The following ADD2 variants were observed in gnomAD, a reference collection of about 807,000 sequenced individuals.
The protein encoded by ADD2 is adducin 2.
A neutral mutation model predicts 83.0 loss-of-function variants in ADD2; 23 were observed. That is an observed-to-expected ratio of 0.28 (90% CI 0.20 to 0.39). ADD2 has a LOEUF of 0.39. Among genes scored for constraint, ADD2 ranks in the 10% least tolerant of loss-of-function variants. ADD2 has a pLI of 1.00. For missense variants in ADD2, 758 were observed against 944.9 expected, an observed-to-expected ratio of 0.80 and a Z score of 2.59; for synonymous variants, 375 against 375.4, an observed-to-expected ratio of 1.00 and a Z score of 0.01.
Position 70,706,924 on chromosome 2 carries a change from G to A in ADD2, c.-34-482C>T, listed in dbSNP as rs1314297098. ...ACACCTAGGTAATGGGTTGATAGGC[G>A]CAGCAAACCACCATGGCACACATTT... On this transcript the variant is annotated intron_variant, in intron 2 of 15. Transcript: ENST00000264436. This position sits in a 1 kb window ranked among gnomAD's most constrained non-coding sequence, Gnocchi z 5.0. 1.3e-5 allele frequency among the ~76,000 whole-genome samples: 2 copies of A among 152,118 alleles called. No homozygotes were observed. Among genetic ancestry groups the A allele is most frequent in the African/African-American group, 2.4e-5 (1 of 41,418 alleles).
chr2:70,672,228 C>T (rs782160610), intron 15 of ADD2, among the ~76,000 whole-genome samples: 73 of 152,310 alleles, frequency 4.8e-4, no homozygotes, highest in African/African-American at 1.7e-3. Context: ...TTCAGTTGGG[C>T]CTCGAACTCC....
intron 1 of ADD2, among the ~76,000 whole-genome samples, chr2:70,753,609 G>T (rs1553383331): frequency 6.6e-6 from 1 of 152,104 alleles, no homozygotes; most frequent in Non-Finnish European, 1.5e-5. Context: ...GGGGTGGGAA[G>T]ACAGGAGAGC....
At chr2:70,748,810 C>T (rs1553382466) in intron 1 of ADD2, among the ~76,000 whole-genome samples, 1 of 152,184 alleles carries the variant, frequency 6.6e-6, no homozygotes, top group African/African-American at 2.4e-5. Context: ...GTCCCAAATG[C>T]CATTATTGCA....
intron 1 of ADD2, among the ~76,000 whole-genome samples, chr2:70,718,667 C>T (rs1245841412): frequency 7.9e-5 from 12 of 152,150 alleles, no homozygotes; most frequent in Admixed American, 7.9e-4. Flanking sequence ...CTATGCCCAG[C>T]CCTGCAGTGA....
chr2:70,751,580 A>G (rs1479901168), intron 1 of ADD2, among the ~76,000 whole-genome samples: 5 of 152,216 alleles, frequency 3.3e-5, no homozygotes, highest in Non-Finnish European at 7.3e-5. Flanking sequence ...AATTATTCAC[A>G]TTACAAAAGA....
In ADD2 at chr2:70,713,108, T is replaced by A; in HGVS notation, c.-77A>T. 1.0e-6 allele frequency: 1 copy of A among 985,516 alleles called. No individual in the cohort carries two copies. Among genetic ancestry groups the A allele is most frequent in the Non-Finnish European group, 1.2e-6 (1 of 830,054 alleles). 61.0% of individuals were successfully genotyped at this position (985,516 alleles called of 1,614,324 possible). On this transcript the variant is annotated 5_prime_UTR_variant, in exon 2 of 16. Transcript: ENST00000264436. Reference sequence around the variant, plus strand: ...CCTGTCCAAGGCTCCTTCTGTTCACTGCTCAGTCTGCACCCCCTAGCTCCA... The same window carrying A: ...CCTGTCCAAGGCTCCTTCTGTTCACAGCTCAGTCTGCACCCCCTAGCTCCA...
At position 70,660,126 on chromosome 2, in the gene ADD2, G is replaced by A. The variant is rs1675490771; in HGVS notation, c.*3299C>T. On this transcript the variant is annotated 3_prime_UTR_variant, in exon 16 of 16. Coordinates refer to ENST00000264436, the MANE Select transcript of ADD2 (RefSeq NM_001617.4). The stretch of plus-strand genomic sequence containing the variant: ...GTAGATTTGTTTGGACCACATGTCT[G>A]TTTCTGTAGCATTTGGTGCATGTCC... The A allele has an allele frequency of 6.6e-6, 1 of 152,198 alleles. No individual in the cohort carries two copies. The highest frequency in any genetic ancestry group is 1.5e-5 in the Non-Finnish European group (1 of 68,034). The allele number at this position is 152,198 out of a possible 1,614,324, so 9.4% of individuals were successfully genotyped here.
At chr2:70,672,050 C>T (rs528007828) in intron 15 of ADD2, among the ~76,000 whole-genome samples, 1 of 152,276 alleles carries the variant, frequency 6.6e-6, no homozygotes, top group South Asian at 2.1e-4. Context: ...GTAATTGCAT[C>T]TTAAATTATT....
At chr2:70,673,355 T>C in intron 14 of ADD2, 7 of 1,603,464 alleles carry the variant, frequency 4.4e-6, no homozygotes, top group Non-Finnish European at 6.0e-6. Context: ...GAGCTTTGTG[T>C]CGTGAGCACA....
chr2:70,674,344 T>C (rs1310996149), intron 14 of ADD2, among the ~76,000 whole-genome samples: 2 of 152,204 alleles, frequency 1.3e-5, no homozygotes, highest in Non-Finnish European at 2.9e-5. Context: ...AAAAGGCTTA[T>C]AGTAGACCTG....
At chr2:70,754,252 C>T (rs1378074943) in intron 1 of ADD2, among the ~76,000 whole-genome samples, 1 of 152,150 alleles carries the variant, frequency 6.6e-6, no homozygotes, top group Non-Finnish European at 1.5e-5. Context: ...TTCCTTCCTG[C>T]TTGGAAACCA....
intron 1 of ADD2, among the ~76,000 whole-genome samples, chr2:70,753,828 C>T (rs1462799030): frequency 1.3e-5 from 2 of 152,338 alleles, no homozygotes; most frequent in East Asian, 1.9e-4. Context: ...TCTCCCATAA[C>T]ATGCTTCATT....
In ADD2 at chr2:70,708,761, C is replaced by A. The variant is rs184804591; in HGVS notation, c.-34-2319G>T. On this transcript the variant is annotated intron_variant, in intron 2 of 15. Transcript: ENST00000264436. Reference sequence around the variant, plus strand: ...TTTTCCACGTATAATAAACTGTAACCCAACTTGATGTGTAATAGACTGTAA... The same window carrying A: ...TTTTCCACGTATAATAAACTGTAACACAACTTGATGTGTAATAGACTGTAA... Among the ~76,000 whole-genome samples, 243 of 152,320 alleles carry A rather than the reference C, an allele frequency of 1.6e-3. 2 individuals are homozygous for A. Among genetic ancestry groups the A allele is most frequent in the African/African-American group, 5.7e-3 (236 of 41,566 alleles).
At chr2:70,704,130 A>T (rs1553373903) in intron 4 of ADD2, among the ~76,000 whole-genome samples, 191 bp downstream of exon 4, 1 of 152,052 alleles carries the variant, frequency 6.6e-6, no homozygotes, top group African/African-American at 2.4e-5. Context: ...GTGGACGTTT[A>T]ATTTGCAGCA....
In ADD2 at chr2:70,704,240, C is replaced by T. The variant is rs1553373922; in HGVS notation, c.322+81G>A. 1.2e-5 allele frequency: 18 copies of T among 1,475,426 alleles called. No homozygotes were observed. In the Admixed American group the frequency reaches 1.4e-4, roughly 12 times the overall value. The allele number at this position is 1,475,426 out of a possible 1,614,324, so 91.4% of individuals were successfully genotyped here. A position where few individuals can be genotyped will look rare whatever the true frequency, so the allele number is the denominator to read the frequency against. ...TACTCCATAGCCTGGCAACCAGATG[C>T]TTCTTGCTGCTCCTCCCTCTCTTCC... On this transcript the variant is annotated intron_variant, in intron 4 of 15. Coordinates refer to ENST00000264436, the MANE Select transcript of ADD2 (RefSeq NM_001617.4).
intron 15 of ADD2, among the ~76,000 whole-genome samples, chr2:70,669,435 G>A (rs1472060317): frequency 1.3e-5 from 2 of 152,170 alleles, no homozygotes; most frequent in Admixed American, 6.5e-5. Context: ...TGCTTTATCC[G>A]ACGTTTACTT....
At chr2:70,681,699 G>T (rs1670455842) in intron 10 of ADD2, among the ~76,000 whole-genome samples, 1 of 150,680 alleles carries the variant, frequency 6.6e-6, no homozygotes, top group Non-Finnish European at 1.5e-5. Flanking sequence ...GGACTTTATA[G>T]GCATGTAACC....
chr2:70,665,781 A>T (rs1675762194), intron 15 of ADD2, among the ~76,000 whole-genome samples: 2 of 149,480 alleles, frequency 1.3e-5, no homozygotes, highest in South Asian at 4.2e-4. Flanking sequence ...CTAAACTTCC[A>T]TCACAGCATC....
Position 70,677,748 on chromosome 2 carries a change from C to T in ADD2, c.1503+10G>A. The T allele has an allele frequency of 1.2e-6, 2 of 1,613,612 alleles. No individual in the cohort carries two copies. The highest frequency in any genetic ancestry group is 1.7e-6 in the Non-Finnish European group (2 of 1,179,598). On this transcript the variant is annotated intron_variant, in intron 12 of 15. Coordinates refer to ENST00000264436, the MANE Select transcript of ADD2 (RefSeq NM_001617.4). ...GAGAAGAAAGAGTGGGATAAACAGA[C>T]CCCACTTACCTTGTTCCTCATCTCC...
Sources: allele counts gnomAD v4.1 joint callset (sites outside exome capture counted in the v4.1 genomes callset), GRCh38; gene constraint gnomAD v4.1.1; non-coding constraint Gnocchi (gnomAD v3.1); transcripts MANE v1.5; gene names NCBI Gene and HGNC (gene_info 2026-07-23, HGNC 2026-07-21).